Variants in DNM3 observed in about 807,000 individuals in gnomAD.
DNM3 encodes dynamin 3, also known as dynamin-3.
Under a neutral mutation model 101.6 loss-of-function variants are expected in DNM3, and 47 were observed. That is an observed-to-expected ratio of 0.46 (90% confidence interval 0.37 to 0.59). DNM3 has a LOEUF of 0.59. Ranked by LOEUF, DNM3 falls within the 20% of genes least tolerant of loss-of-function variation. The pLI is 0.00. For missense variants in DNM3, 849 were observed against 1,085.7 expected (o/e 0.78, Z 3.06); for synonymous variants, 385 against 387.9 (o/e 0.99, Z 0.09).
chr1:172,010,768 CA>C (rs2047072223), intron 4 of DNM3, among the ~76,000 whole-genome samples: 2 of 147,798 alleles, frequency 1.4e-5, no homozygotes, highest in African/African-American at 4.9e-5. Context: ...TTGTAGTTTT[CA>C]TCAATTATTT....
intron 13 of DNM3, among the ~76,000 whole-genome samples, chr1:172,113,863 C>CTTAAATAA (rs1368182079): frequency 2.6e-5 from 4 of 152,072 alleles, no homozygotes; most frequent in Admixed American, 2.0e-4. Flanking sequence ...GTCTTTTCTT[C>CTTAAATAA]TTAAATAATC....
chr1:172,190,860 A>T (rs1445489652), intron 14 of DNM3, among the ~76,000 whole-genome samples: 1 of 151,308 alleles, frequency 6.6e-6, no homozygotes, highest in Non-Finnish European at 1.5e-5. Flanking sequence ...TTTTGATGGG[A>T]TTGTTTGATT....
At chr1:172,343,895 A>G (rs1466948625) in intron 17 of DNM3, among the ~76,000 whole-genome samples, 1 of 152,192 alleles carries the variant, frequency 6.6e-6, no homozygotes, top group East Asian at 1.9e-4. Context: ...CATGTTATTT[A>G]CTGGGGTTTC....
chr1:172,304,901 A>G (rs1032653180), intron 15 of DNM3, among the ~76,000 whole-genome samples: 1 of 152,346 alleles, frequency 6.6e-6, no homozygotes, highest in South Asian at 2.1e-4. Flanking sequence ...AGGGAAATTT[A>G]TAGCACTAAA....
chr1:171,877,299 A>G (rs2035872087), intron 1 of DNM3, among the ~76,000 whole-genome samples: 2 of 152,242 alleles, frequency 1.3e-5, no homozygotes, highest in African/African-American at 4.8e-5. Context: ...TATATCTATT[A>G]AACATATTCT....
chr1:172,070,491 G>A (rs1180241192), intron 11 of DNM3, among the ~76,000 whole-genome samples: 1 of 152,142 alleles, frequency 6.6e-6, no homozygotes, highest in African/African-American at 2.4e-5. Context: ...TAATATTGGA[G>A]AAAATATAGG....
intron 16 of DNM3, chr1:172,310,773 G>A (rs137866161): frequency 6.6e-6 from 1 of 152,372 alleles, no homozygotes; most frequent in Non-Finnish European, 1.5e-5. Flanking sequence ...GGTGATGTAG[G>A]CCTTGAAGGA....
chr1:172,162,166 T>A (rs978509822), intron 14 of DNM3, among the ~76,000 whole-genome samples: 2 of 152,134 alleles, frequency 1.3e-5, no homozygotes, highest in Non-Finnish European at 2.9e-5. Flanking sequence ...GTGCTATTAT[T>A]GTCATTGAGA....
intron 1 of DNM3, among the ~76,000 whole-genome samples, chr1:171,890,607 A>T (rs2037182509): frequency 6.6e-6 from 1 of 152,218 alleles, no homozygotes; most frequent in South Asian, 2.1e-4. Flanking sequence ...GGGAAAAGAT[A>T]TCATTAAGTT....
chr1:172,311,624 T>A (rs1262816432), intron 16 of DNM3, among the ~76,000 whole-genome samples: 1 of 152,042 alleles, frequency 6.6e-6, no homozygotes, highest in Non-Finnish European at 1.5e-5. Context: ...TTTCAATGAA[T>A]CTCTTATGAG....
intron 2 of DNM3, among the ~76,000 whole-genome samples, chr1:171,939,098 G>A (rs1571723764): frequency 1.3e-5 from 2 of 151,432 alleles, no homozygotes; most frequent in African/African-American, 4.9e-5. Context: ...CTTAAGCATT[G>A]ATTACACATT....
chr1:172,386,345 C>T (rs765939345), intron 18 of DNM3, among the ~76,000 whole-genome samples: 2 of 151,994 alleles, frequency 1.3e-5, no homozygotes, highest in Non-Finnish European at 2.9e-5. Flanking sequence ...CAGTAGCTGG[C>T]GTTCCCACTC....
intron 13 of DNM3, among the ~76,000 whole-genome samples, chr1:172,102,366 T>C (rs1241371459): frequency 6.6e-6 from 1 of 152,138 alleles, no homozygotes; most frequent in Non-Finnish European, 1.5e-5. Context: ...AAATAGAGAT[T>C]AGAGTTTATG....
At chr1:172,248,643 A>T (rs6678749) in intron 14 of DNM3, among the ~76,000 whole-genome samples, 25,098 of 152,052 alleles carry the variant, frequency 0.17, 2,422 homozygotes, top group East Asian at 0.24. Context: ...TTCCTGGCAA[A>T]TAGAAGACAA....
intron 1 of DNM3, among the ~76,000 whole-genome samples, chr1:171,896,065 G>C (rs1195241805): frequency 5.3e-5 from 8 of 152,172 alleles, no homozygotes; most frequent in Admixed American, 4.6e-4. Flanking sequence ...TTTGAAGTCA[G>C]GTAGCGTGAT....
intron 14 of DNM3, among the ~76,000 whole-genome samples, chr1:172,167,328 AT>A (rs1396665966): frequency 2.0e-5 from 3 of 152,086 alleles, no homozygotes; most frequent in Non-Finnish European, 4.4e-5. Flanking sequence ...ATTGTTGGAC[AT>A]TTGGGTTGGT....
At chr1:171,867,861 A>C (rs942802892) in intron 1 of DNM3, among the ~76,000 whole-genome samples, 1 of 152,158 alleles carries the variant, frequency 6.6e-6, no homozygotes, top group Admixed American at 6.5e-5. Flanking sequence ...GATGTCACAC[A>C]CTTAAGATGT....
intron 15 of DNM3, among the ~76,000 whole-genome samples, chr1:172,258,658 G>A (rs938168126): frequency 6.6e-6 from 1 of 151,720 alleles, no homozygotes; most frequent in African/African-American, 2.4e-5. Context: ...TTAGTCTTAC[G>A]ATTGTCTTAT....
At chr1:172,169,227 C>G (rs756020981) in intron 14 of DNM3, among the ~76,000 whole-genome samples, 7 of 151,810 alleles carry the variant, frequency 4.6e-5, no homozygotes, top group African/African-American at 7.3e-5. Flanking sequence ...GCCTCTCTAC[C>G]AATTCTCCAT....
Sources: allele counts gnomAD v4.1 joint callset (sites outside exome capture counted in the v4.1 genomes callset), GRCh38; gene constraint gnomAD v4.1.1; transcripts MANE v1.5; gene names NCBI Gene and HGNC (gene_info 2026-07-23, HGNC 2026-07-21).